KANSL2: variants seen among roughly 807,000 people sequenced by gnomAD.
The protein encoded by KANSL2 is NSL complex protein NSL2.
KANSL2 carries 34 observed loss-of-function variants against 55.6 expected under a neutral mutation model. That is an observed-to-expected ratio of 0.61 (90% CI 0.46 to 0.81). The LOEUF is 0.81. Among genes scored for constraint, KANSL2 ranks in the 40% least tolerant of loss-of-function variants. KANSL2 has a pLI of 0.00. For missense variants in KANSL2, 502 were observed against 609.9 expected, an observed-to-expected ratio of 0.82 and a Z score of 1.86; for synonymous variants, 209 against 214.3, an observed-to-expected ratio of 0.98 and a Z score of 0.22.
chr12:48,667,744 C>A lies in KANSL2; in HGVS notation c.922G>T (p.Asp308Tyr). The change falls in exon 7 of 10, where the codon GAT becomes TAT. Residue 308 changes from aspartate (D) to tyrosine (Y), a missense_variant. Physicochemically the swap from Asp to Tyr is radical, Grantham distance 160 (BLOSUM62 -3). Transcript: ENST00000420613. ...SSQRCLAFVD[D>Y]VRCSNQSLPM... Reference sequence around the variant, plus strand: ...AGAGACTGATTGGAACAACGAACATCATCCACAAAGGCCAAGCACCTCTGA... The same window carrying A: ...AGAGACTGATTGGAACAACGAACATAATCCACAAAGGCCAAGCACCTCTGA... 1 of 1,613,948 alleles carries A rather than the reference C, an allele frequency of 6.2e-7. No homozygotes were observed. Among genetic ancestry groups the A allele is most frequent in the Non-Finnish European group, 8.5e-7 (1 of 1,179,826 alleles).
chr12:48,676,233 G>A (rs1005231831), intron 4 of KANSL2, among the ~76,000 whole-genome samples: 1 of 152,176 alleles, frequency 6.6e-6, no homozygotes, highest in African/African-American at 2.4e-5. Flanking sequence ...CTCTCGAGTA[G>A]TTAAGACTAC....
intron 5 of KANSL2, among the ~76,000 whole-genome samples, chr12:48,669,974 G>A (rs1022534513): frequency 2.2e-4 from 34 of 151,796 alleles, no homozygotes; most frequent in Non-Finnish European, 2.6e-4. Context: ...AGCCCAAGGC[G>A]GGCAGATCAC....
At chr12:48,657,477 A>C (rs1939407851) in intron 8 of KANSL2, among the ~76,000 whole-genome samples, 1 of 152,168 alleles carries the variant, frequency 6.6e-6, no homozygotes, top group Non-Finnish European at 1.5e-5. Context: ...CATAGGGCAC[A>C]GGATACACTC....
At chr12:48,670,593 T>A (rs919271591) in intron 5 of KANSL2, among the ~76,000 whole-genome samples, 14 of 152,098 alleles carry the variant, frequency 9.2e-5, no homozygotes, top group Non-Finnish European at 1.6e-4. Flanking sequence ...ATAAAAAAAA[T>A]TTTTGTACAG....
chr12:48,666,620 G>A (rs1192676669), intron 7 of KANSL2, among the ~76,000 whole-genome samples: 3 of 151,024 alleles, frequency 2.0e-5, no homozygotes, highest in Non-Finnish European at 4.4e-5. Context: ...TTGAACCCAG[G>A]AGGTGGAAGT....
intron 9 of KANSL2, chr12:48,654,517 A>G (rs1249521842): frequency 1.6e-6 from 1 of 627,376 alleles, no homozygotes. Flanking sequence ...AGTCAGGGCC[A>G]CTGGAATTCT....
chr12:48,682,147 C>A, intron 1 of KANSL2, 40 bp downstream of exon 1: 1 of 702,498 alleles, frequency 1.4e-6, no homozygotes, highest in Non-Finnish European at 2.6e-6. Flanking sequence ...AATAGCAGCC[C>A]AACCGCAAGA....
At chr12:48,669,079 T>C in intron 6 of KANSL2, 27 bp downstream of exon 6, 2 of 1,481,504 alleles carry the variant, frequency 1.3e-6, no homozygotes, top group Middle Eastern at 1.8e-4. Flanking sequence ...TGAACGTATA[T>C]ACCTTAAAGG....
intron 9 of KANSL2, 42 bp from the exon 10 acceptor site, chr12:48,654,217 A>C: frequency 6.4e-7 from 1 of 1,573,632 alleles, no homozygotes; most frequent in Non-Finnish European, 8.6e-7. Flanking sequence ...TAATTCATTC[A>C]CTGTGGTCTG....
chr12:48,662,757 C>T (rs1390576623), intron 7 of KANSL2: 11 of 695,500 alleles, frequency 1.6e-5, no homozygotes, highest in African/African-American at 1.4e-4. Flanking sequence ...TTTTCAAATA[C>T]ATTTTCAATT....
rs556878691 is a variant in KANSL2, at chr12:48,667,080, T to C, written c.973+613A>G. Among the ~76,000 whole-genome samples, 35 of 151,348 alleles carry C rather than the reference T, an allele frequency of 2.3e-4. No individual in the cohort carries two copies. The South Asian group carries it at 7.1e-3, about 31-fold the overall frequency. The stretch of plus-strand genomic sequence containing the variant: ...CCTATAATCCCAGCTACTCGGAGAA[T>C]CGCTTGAACTCGGGAGGCGGAGGGT... On this transcript the variant is annotated intron_variant, in intron 7 of 9. Coordinates refer to ENST00000420613, the MANE Select transcript of KANSL2 (RefSeq NM_017822.4).
Position 48,655,044 on chromosome 12 carries a change from C to T in KANSL2, c.1244G>A (p.Gly415Asp), listed in dbSNP as rs1302562160. Residue 415 changes from glycine (G) to aspartate (D), a missense_variant, in exon 9 of 10, where the codon GGT becomes GAT. By Grantham distance (94) the Gly-to-Asp change is moderately conservative. Transcript: ENST00000420613. ...LEFSDDLDVV[G>D]DGMQCPPSPL... The stretch of plus-strand genomic sequence containing the variant: ...TGAAGGAGGACACTGCATACCATCA[C>T]CCACAACATCCAAGTCCTAGAAAAA... The T allele has an allele frequency of 6.3e-7, 1 of 1,579,750 alleles. No individual in the cohort carries two copies. Among genetic ancestry groups the T allele is most frequent in the Non-Finnish European group, 8.6e-7 (1 of 1,162,482 alleles).
At chr12:48,676,329 C>A (rs1939820323) in intron 4 of KANSL2, among the ~76,000 whole-genome samples, 1 of 152,098 alleles carries the variant, frequency 6.6e-6, no homozygotes, top group African/African-American at 2.4e-5. Context: ...TGGTCTCGAA[C>A]TCCTGGGCTC....
chr12:48,672,374 TAC>T (rs1939730952), intron 4 of KANSL2, among the ~76,000 whole-genome samples: 4 of 145,816 alleles, frequency 2.7e-5, no homozygotes, highest in Non-Finnish European at 1.5e-5. Context: ...CATGTATATA[TAC>T]GTATATATAT....
chr12:48,670,379 TGCA>T (rs1450738150), intron 5 of KANSL2, among the ~76,000 whole-genome samples: 1 of 152,094 alleles, frequency 6.6e-6, no homozygotes, highest in Non-Finnish European at 1.5e-5. Flanking sequence ...CAGAAAGTAT[TGCA>T]GAAGACATTG....
intron 4 of KANSL2, among the ~76,000 whole-genome samples, chr12:48,677,144 A>G (rs1243446974): frequency 1.3e-5 from 2 of 152,178 alleles, no homozygotes; most frequent in Admixed American, 6.5e-5. Context: ...AAAATTAACG[A>G]AAGCCTTATA....
intron 4 of KANSL2, among the ~76,000 whole-genome samples, chr12:48,675,155 G>T (rs1042215747): frequency 6.6e-6 from 1 of 151,904 alleles, no homozygotes; most frequent in Non-Finnish European, 1.5e-5. Context: ...TAGCACTTTG[G>T]GAGACCGAGG....
chr12:48,662,495 A>G (rs1281078893), intron 7 of KANSL2: 6 of 1,173,038 alleles, frequency 5.1e-6, no homozygotes, highest in African/African-American at 3.3e-5. Flanking sequence ...TCCCCCCATC[A>G]TCCTCCACCC....
chr12:48,670,365 C>T (rs759646022), intron 5 of KANSL2, among the ~76,000 whole-genome samples: 8 of 151,992 alleles, frequency 5.3e-5, no homozygotes, highest in Non-Finnish European at 1.2e-4. Flanking sequence ...TCAGGCAGTT[C>T]TCTCAGAAAG....
Sources: gnomAD v4.1 joint callset for allele counts (sites outside exome capture counted in the v4.1 genomes callset) on GRCh38, gnomAD v4.1.1 for gene constraint, MANE v1.5 for transcripts, NCBI Gene and HGNC (gene_info 2026-07-23, HGNC 2026-07-21) for gene names.